Variants in TBC1D3B observed in about 807,000 individuals in gnomAD.
TBC1D3B encodes Rab GTPase-activating protein PRC17 duplicate.
Under a neutral mutation model 27.1 loss-of-function variants are expected in TBC1D3B, and 2 were observed. The observed-to-expected ratio is 0.07, with a 90% confidence interval of 0.03 to 0.23. The LOEUF is 0.23. Among genes scored for constraint, TBC1D3B ranks in the 10% least tolerant of loss-of-function variants. The probability of loss-of-function intolerance (pLI) is 1.00; values close to 1 mark genes in which losing one functional copy is unlikely to be tolerated. For synonymous variants in TBC1D3B, 3 were observed against 150.1 expected, an observed-to-expected ratio of 0.02 and a Z score of 7.16; for missense variants, 17 against 401.3, an observed-to-expected ratio of 0.04 and a Z score of 8.18.
chr17:36,176,202 A>G (rs2068421268), intron 1 of TBC1D3B: 1 of 51,680 alleles, frequency 1.9e-5, no homozygotes, highest in African/African-American at 8.6e-5. Flanking sequence ...GGCTGAGAGC[A>G]AAACTCAGGG....
chr17:36,169,235 C>T (rs1157695447), intron 9 of TBC1D3B, 61 bp from the exon 10 acceptor site: 1 of 1,579,406 alleles, frequency 6.3e-7, no homozygotes, highest in African/African-American at 1.3e-5. Flanking sequence ...GAGCCATCAG[C>T]TGCAAGAGCT....
At chr17:36,169,295 C>A in intron 9 of TBC1D3B, 121 bp from the exon 10 acceptor site, 3 of 1,513,638 alleles carry the variant, frequency 2.0e-6, no homozygotes, top group Non-Finnish European at 2.7e-6. Flanking sequence ...ACCCTCCCAT[C>A]TGGTGACCCC....
chr17:36,166,920 TG>T lies in TBC1D3B; in HGVS notation c.1082-358del, dbSNP rs1395326706. Among the ~76,000 whole-genome samples, 38 of 49,998 alleles carry T rather than the reference TG, an allele frequency of 7.6e-4. No individual in the cohort carries two copies. The Admixed American group carries it at 7.9e-3, about 10-fold the overall frequency. The allele number at this position is 49,998 out of a possible 152,430, so 32.8% of individuals were successfully genotyped here. A position where few individuals can be genotyped will look rare whatever the true frequency, so the allele number is the denominator to read the frequency against. The stretch of plus-strand genomic sequence containing the variant: ...TCACCCAGCCCCTTGTCACCTCACG[TG>T]GGGACCCGTCTCCGCAGTGGGTGAT... On this transcript the variant is annotated intron_variant, in intron 13 of 13. Coordinates refer to ENST00000611257, the MANE Select transcript of TBC1D3B (RefSeq NM_001001417.7).
intron 7 of TBC1D3B, among the ~76,000 whole-genome samples, chr17:36,170,881 G>T (rs62078185): frequency 0.16 from 9,842 of 62,158 alleles, 603 homozygotes; most frequent in Middle Eastern, 0.29. Flanking sequence ...TCAGTCTGTG[G>T]GTGTACAGTT....
At chr17:36,170,792 G>A (rs2068336771) in intron 7 of TBC1D3B, among the ~76,000 whole-genome samples, 189 bp from the exon 8 acceptor site, 1 of 80,564 alleles carries the variant, frequency 1.2e-5, no homozygotes, top group Non-Finnish European at 4.3e-5. Flanking sequence ...CATGCAAATA[G>A]CCCAGTTGTA....
At chr17:36,169,491 C>G (rs2068317031) in intron 9 of TBC1D3B, among the ~76,000 whole-genome samples, 1 of 149,918 alleles carries the variant, frequency 6.7e-6, no homozygotes, top group Non-Finnish European at 1.5e-5. Flanking sequence ...GGGGTCGGGC[C>G]AGGGGAACAG....
At chr17:36,169,426 G>A (rs1166632607) in intron 9 of TBC1D3B, among the ~76,000 whole-genome samples, 219 of 147,850 alleles carry the variant, frequency 1.5e-3, no homozygotes, top group African/African-American at 5.0e-3. Context: ...TTCAGGCCAC[G>A]ACAGGGTGGC....
At chr17:36,171,331 T>C (rs1343343801) in intron 7 of TBC1D3B, among the ~76,000 whole-genome samples, 175 of 151,342 alleles carry the variant, frequency 1.2e-3, no homozygotes, top group Middle Eastern at 6.8e-3. Flanking sequence ...GATGTCAGTT[T>C]CCAAATCAGT....
chr17:36,165,715 A>C lies in TBC1D3B; in HGVS notation c.*280T>G. Reference sequence around the variant, plus strand: ...AGGAAACATTTATTTCAAAACGTGAAGGTAGTTATCCTTCCATGAGTTTAA... The same window carrying C: ...AGGAAACATTTATTTCAAAACGTGACGGTAGTTATCCTTCCATGAGTTTAA... On this transcript the variant is annotated 3_prime_UTR_variant, in exon 14 of 14. Coordinates refer to ENST00000611257, the MANE Select transcript of TBC1D3B (RefSeq NM_001001417.7). 2 of 1,006,226 alleles carry C rather than the reference A, an allele frequency of 2.0e-6. No homozygotes were observed. The highest frequency in any genetic ancestry group is 1.5e-6 in the Non-Finnish European group (1 of 686,256). The allele number at this position is 1,006,226 out of a possible 1,614,324, so 62.3% of individuals were successfully genotyped here.
At chr17:36,169,288 C>T (rs1375372667) in intron 9 of TBC1D3B, 114 bp from the exon 10 acceptor site, 2 of 1,542,040 alleles carry the variant, frequency 1.3e-6, no homozygotes, top group Non-Finnish European at 1.8e-6. Context: ...TACTCCCACC[C>T]TCCCATCTGG....
rs1203751146 is a variant in TBC1D3B at position 36,166,018 on chromosome 17, A to G, written c.1627T>C (p.Ser543Pro). 1 of 1,133,878 alleles carries G rather than the reference A, an allele frequency of 8.8e-7. No homozygotes were observed. Among genetic ancestry groups the G allele is most frequent in the African/African-American group, 1.4e-5 (1 of 72,532 alleles). 70.2% of individuals were successfully genotyped at this position (1,133,878 alleles called of 1,614,324 possible). A position where few individuals can be genotyped will look rare whatever the true frequency, so the allele number is the denominator to read the frequency against. Residue 543 changes from serine to proline, a missense_variant, in exon 14 of 14, where the codon TCT becomes CCT. Ser to Pro is a moderately conservative substitution (Grantham distance 74). Transcript: ENST00000611257. ...PCLCGLHLESSQFPPGF is the reference protein window; with the variant it reads ...PCLCGLHLESPQFPPGF Reference sequence around the variant, plus strand: ...TTCTAGAAGCCTGGAGGGAACTGAGAACTTTCCAAGTGGAGGCCGCAGAGG... The same window carrying G: ...TTCTAGAAGCCTGGAGGGAACTGAGGACTTTCCAAGTGGAGGCCGCAGAGG...
In TBC1D3B at chr17:36,168,421, C is replaced by T; in HGVS notation, c.828+209G>A. ...TCCCTGAGCCCTCTCAAGTTGGGTCCTGGCCCAGTCTGCCCATGAGGCTGG... is the reference window on the plus strand; with the variant it reads ...TCCCTGAGCCCTCTCAAGTTGGGTCTTGGCCCAGTCTGCCCATGAGGCTGG... On this transcript the variant is annotated intron_variant, in intron 11 of 13. Coordinates refer to ENST00000611257, the MANE Select transcript of TBC1D3B (RefSeq NM_001001417.7). Among the ~76,000 whole-genome samples, 2 of 59,552 alleles carry T rather than the reference C, an allele frequency of 3.4e-5. 1 individual carries two copies. The highest frequency in any genetic ancestry group is 1.0e-4 in the Non-Finnish European group (2 of 19,224). The allele number at this position is 59,552 out of a possible 152,430, so 39.1% of individuals were successfully genotyped here. A position where few individuals can be genotyped will look rare whatever the true frequency, so the allele number is the denominator to read the frequency against.
intron 9 of TBC1D3B, among the ~76,000 whole-genome samples, chr17:36,169,594 C>T (rs1452466562): frequency 4.9e-5 from 7 of 142,268 alleles, no homozygotes; most frequent in African/African-American, 1.5e-4. Context: ...CAGGAGGACT[C>T]TCAGGGAGGG....
At chr17:36,171,105 TA>T (rs2068344835) in intron 7 of TBC1D3B, among the ~76,000 whole-genome samples, 1 of 143,716 alleles carries the variant, frequency 7.0e-6, no homozygotes, top group Non-Finnish European at 1.6e-5. Flanking sequence ...GGTGGTAGCT[TA>T]TTGGGTCTGG....
chr17:36,167,050 C>T (rs1319015163), intron 13 of TBC1D3B, among the ~76,000 whole-genome samples: 3 of 105,134 alleles, frequency 2.9e-5, no homozygotes, highest in Admixed American at 8.7e-5. Context: ...GCTCTGGGCC[C>T]GGGGTCCCGC....
In TBC1D3B at chr17:36,165,706, A is replaced by C. The variant is rs1318113517; in HGVS notation, c.*289T>G. The C allele has an allele frequency of 5.3e-5, 53 of 991,422 alleles. No individual in the cohort carries two copies. The highest frequency in any genetic ancestry group is 7.4e-5 in the Non-Finnish European group (50 of 676,246). The allele number at this position is 991,422 out of a possible 1,614,324, so 61.4% of individuals were successfully genotyped here. A position where few individuals can be genotyped will look rare whatever the true frequency, so the allele number is the denominator to read the frequency against. ...CATTTCAACAGGAAACATTTATTTC[A>C]AAACGTGAAGGTAGTTATCCTTCCA... is the stretch of plus-strand genomic sequence containing the variant. On this transcript the variant is annotated 3_prime_UTR_variant, in exon 14 of 14. Transcript: ENST00000611257.
At chr17:36,175,506 G>A (rs1190069363) in intron 1 of TBC1D3B, among the ~76,000 whole-genome samples, 7 of 104,366 alleles carry the variant, frequency 6.7e-5, no homozygotes, top group Non-Finnish European at 1.5e-4. Flanking sequence ...GATCTCTCCC[G>A]ACTGCTCGGT....
chr17:36,169,384 T>G (rs1243676615), intron 9 of TBC1D3B, among the ~76,000 whole-genome samples: 1 of 149,070 alleles, frequency 6.7e-6, no homozygotes, highest in South Asian at 2.1e-4. Flanking sequence ...GGAGGCCTCC[T>G]GGGCCAGGGT....
intron 13 of TBC1D3B, among the ~76,000 whole-genome samples, chr17:36,167,136 C>T (rs1273959785): frequency 9.4e-6 from 1 of 105,928 alleles, no homozygotes; most frequent in African/African-American, 2.6e-5. Flanking sequence ...GCTTCTTGTC[C>T]TGGCAACCTT....
Sources: allele counts gnomAD v4.1 joint callset (sites outside exome capture counted in the v4.1 genomes callset), GRCh38; gene constraint gnomAD v4.1.1; transcripts MANE v1.5; gene names NCBI Gene and HGNC (gene_info 2026-07-23, HGNC 2026-07-21).